ANO2: variants seen among roughly 807,000 people sequenced by gnomAD.
ANO2 encodes anoctamin 2.
In ANO2, 101 loss-of-function variants were observed where a neutral mutation model predicts 124.2. That is an observed-to-expected ratio of 0.81 (90% CI 0.69 to 0.96). ANO2 has a LOEUF of 0.96. Ranked by LOEUF, ANO2 falls within the 40% of genes least tolerant of loss-of-function variation. The probability of loss-of-function intolerance (pLI) is 0.00; values close to 1 mark genes in which losing one functional copy is unlikely to be tolerated. For missense variants in ANO2, 1,293 were observed against 1,274.5 expected (o/e 1.01, Z -0.22); for synonymous variants, 486 against 482.5 (o/e 1.01, Z -0.09).
At chr12:5,915,344 A>G (rs541379945) in intron 3 of ANO2, among the ~76,000 whole-genome samples, 1 of 152,336 alleles carries the variant, frequency 6.6e-6, no homozygotes, top group South Asian at 2.1e-4. Context: ...ATATCAATAC[A>G]TGGAAATATG....
chr12:5,676,539 C>T (rs1031640700), intron 14 of ANO2, among the ~76,000 whole-genome samples: 2 of 152,000 alleles, frequency 1.3e-5, no homozygotes, highest in African/African-American at 4.8e-5. Flanking sequence ...AAAATGTTAA[C>T]GGTGGTCAAA....
At chr12:5,583,497 C>A (rs933901063) in intron 20 of ANO2, among the ~76,000 whole-genome samples, 2 of 151,102 alleles carry the variant, frequency 1.3e-5, no homozygotes, top group Non-Finnish European at 3.0e-5. Context: ...ACTAAAAATA[C>A]AAAAAATTAG....
At chr12:5,564,103 C>G (rs915632062) in intron 24 of ANO2, among the ~76,000 whole-genome samples, 4 of 152,202 alleles carry the variant, frequency 2.6e-5, no homozygotes, top group African/African-American at 9.6e-5. Flanking sequence ...GCCTTGACTT[C>G]GGGCCTTCAC....
chr12:5,835,860 C>T (rs1954297280), intron 4 of ANO2, among the ~76,000 whole-genome samples: 1 of 152,206 alleles, frequency 6.6e-6, no homozygotes, highest in Non-Finnish European at 1.5e-5. Flanking sequence ...GGGATGGAGA[C>T]AGAAAGAAGA....
chr12:5,781,890 A>C (rs1952409156), intron 10 of ANO2, among the ~76,000 whole-genome samples: 1 of 152,186 alleles, frequency 6.6e-6, no homozygotes. Context: ...TGTCTTGGTA[A>C]ATGGTCCATG....
intron 3 of ANO2, among the ~76,000 whole-genome samples, chr12:5,886,992 A>G (rs573304334): frequency 2.6e-5 from 4 of 152,326 alleles, no homozygotes; most frequent in East Asian, 3.9e-4. Context: ...AAGACAAAAA[A>G]GCTGTGGAGA....
intron 7 of ANO2, among the ~76,000 whole-genome samples, chr12:5,817,138 A>C (rs531080082): frequency 6.6e-6 from 1 of 152,228 alleles, no homozygotes; most frequent in Non-Finnish European, 1.5e-5. Context: ...GCCTTCCAAC[A>C]ACCTGGGGAT....
chr12:5,825,269 TG>T (rs1035774811), intron 7 of ANO2, among the ~76,000 whole-genome samples: 2 of 152,340 alleles, frequency 1.3e-5, no homozygotes, highest in African/African-American at 4.8e-5. Context: ...AATGGCCTTT[TG>T]AAGTCACAAT....
At position 5,893,160 on chromosome 12, in the gene ANO2, C is replaced by G. The variant is rs147651461; in HGVS notation, c.534+27880G>C. ...ATTTCTAGAATATAATATCAGAAAA[C>G]TCTTCTGGACATTGGCTTAGGCAAA... On this transcript the variant is annotated intron_variant, in intron 3 of 24. Coordinates refer to ENST00000682330, the MANE Select transcript of ANO2 (RefSeq NM_001364791.2). Among the ~76,000 whole-genome samples, 1,069 of 152,178 alleles carry G rather than the reference C, an allele frequency of 7.0e-3. 9 individuals carry two copies. Among genetic ancestry groups the G allele is most frequent in the Non-Finnish European group, 0.012 (812 of 67,988 alleles).
At chr12:5,914,941 T>C (rs1408923591) in intron 3 of ANO2, among the ~76,000 whole-genome samples, 1 of 152,190 alleles carries the variant, frequency 6.6e-6, no homozygotes, top group Non-Finnish European at 1.5e-5. Context: ...AGGAGGTTTC[T>C]TTAAGAGAGA....
At chr12:5,880,561 G>A (rs1263944925) in intron 3 of ANO2, among the ~76,000 whole-genome samples, 1 of 152,068 alleles carries the variant, frequency 6.6e-6, no homozygotes, top group Non-Finnish European at 1.5e-5. Context: ...AAAGAATCAT[G>A]GGCTCCTGGA....
chr12:5,784,526 G>A (rs1306573731), intron 10 of ANO2, among the ~76,000 whole-genome samples: 1 of 152,206 alleles, frequency 6.6e-6, no homozygotes, highest in African/African-American at 2.4e-5. Context: ...CTGCACTGGA[G>A]GGGCCAAGCC....
At chr12:5,886,006 G>A (rs1938869682) in intron 3 of ANO2, among the ~76,000 whole-genome samples, 1 of 152,198 alleles carries the variant, frequency 6.6e-6, no homozygotes, top group South Asian at 2.1e-4. Context: ...GAGGTGTCCG[G>A]AGTAGGCCAA....
At chr12:5,859,645 A>T (rs1479227342) in intron 3 of ANO2, among the ~76,000 whole-genome samples, 1 of 151,442 alleles carries the variant, frequency 6.6e-6, no homozygotes, top group Non-Finnish European at 1.5e-5. Flanking sequence ...CAATCCTCCC[A>T]CCTCAGCCTC....
At chr12:5,880,900 G>GGGAT (rs367583083) in intron 3 of ANO2, among the ~76,000 whole-genome samples, 55 of 142,520 alleles carry the variant, frequency 3.9e-4, no homozygotes, top group Admixed American at 1.8e-3. Context: ...GGGTAGGTGG[G>GGGAT]GGATGGATGG....
intron 5 of ANO2, among the ~76,000 whole-genome samples, chr12:5,831,603 G>C (rs1400681352): frequency 6.6e-6 from 1 of 152,140 alleles, no homozygotes; most frequent in African/African-American, 2.4e-5. Flanking sequence ...GGGGACATGA[G>C]GACTCAATGA....
intron 14 of ANO2, among the ~76,000 whole-genome samples, chr12:5,692,294 G>A (rs1334578396): frequency 6.6e-6 from 1 of 152,008 alleles, no homozygotes; most frequent in Non-Finnish European, 1.5e-5. Flanking sequence ...AGAGAATCTA[G>A]GATGACTCCT....
At chr12:5,685,543 G>A (rs1280146985) in intron 14 of ANO2, among the ~76,000 whole-genome samples, 1 of 152,212 alleles carries the variant, frequency 6.6e-6, no homozygotes, top group Non-Finnish European at 1.5e-5. Context: ...CCAACATTTG[G>A]GAGGCAGAGG....
rs189531479 is a variant in ANO2 at position 5,839,472 on chromosome 12, C to T, written c.634-6869G>A. ...TAGACTGAGCGCTACTCCAGACTCA[C>T]CTAACAAATTATAAAAGAGAGAACT... On this transcript the variant is annotated intron_variant, in intron 4 of 24. Coordinates refer to ENST00000682330, the MANE Select transcript of ANO2 (RefSeq NM_001364791.2). The T allele has an allele frequency of 7.1e-6, 3 of 420,404 alleles. No individual in the cohort carries two copies. The Admixed American group carries it at 7.6e-5, about 11-fold the overall frequency. The allele number at this position is 420,404 out of a possible 1,614,324, so 26.0% of individuals were successfully genotyped here. A position where few individuals can be genotyped will look rare whatever the true frequency, so the allele number is the denominator to read the frequency against.
Sources: allele counts gnomAD v4.1 joint callset (sites outside exome capture counted in the v4.1 genomes callset), GRCh38; gene constraint gnomAD v4.1.1; transcripts MANE v1.5; gene names NCBI Gene and HGNC (gene_info 2026-07-23, HGNC 2026-07-21).